LRRC1: variants seen among roughly 807,000 people sequenced by gnomAD.
LRRC1 encodes leucine rich repeat containing 1.
LRRC1 carries 28 observed loss-of-function variants against 69.9 expected under a neutral mutation model. The observed-to-expected ratio is 0.40, with a 90% CI of 0.30 to 0.55. LRRC1 has a LOEUF of 0.55. Among genes scored for constraint, LRRC1 ranks in the 20% least tolerant of loss-of-function variants. LRRC1 has a pLI of 0.47. For synonymous variants in LRRC1, 236 were observed against 240.2 expected, an observed-to-expected ratio of 0.98 and a Z score of 0.16; for missense variants, 498 against 609.0, an observed-to-expected ratio of 0.82 and a Z score of 1.92.
intron 10 of LRRC1, chr6:53,904,724 C>G (rs1768174935): frequency 4.6e-6 from 1 of 216,918 alleles, no homozygotes; most frequent in African/African-American, 2.3e-5. Flanking sequence ...GTTTGATATA[C>G]AGAGAATGGT....
intron 2 of LRRC1, among the ~76,000 whole-genome samples, chr6:53,853,937 A>G (rs754890541): frequency 6.6e-6 from 1 of 152,206 alleles, no homozygotes; most frequent in Non-Finnish European, 1.5e-5. Context: ...GTGATGGGGC[A>G]TCTAATTTTC....
chr6:53,799,342 C>T (rs1764399215), intron 1 of LRRC1, among the ~76,000 whole-genome samples: 1 of 152,198 alleles, frequency 6.6e-6, no homozygotes, highest in Admixed American at 6.5e-5. Context: ...ACATAACCTC[C>T]ATGAGTGCAG....
At chr6:53,807,662 T>G (rs1449441095) in intron 1 of LRRC1, among the ~76,000 whole-genome samples, 1 of 147,960 alleles carries the variant, frequency 6.8e-6, no homozygotes, top group African/African-American at 2.5e-5. Flanking sequence ...GAAGAATTGC[T>G]TGAACCCGGG....
chr6:53,874,310 T>A (rs1265871882), intron 2 of LRRC1, among the ~76,000 whole-genome samples: 1 of 152,114 alleles, frequency 6.6e-6, no homozygotes, highest in East Asian at 1.9e-4. Context: ...TCGTGAGTTT[T>A]AAAAATCTAT....
At chr6:53,905,537 T>G (rs542142585) in intron 10 of LRRC1, among the ~76,000 whole-genome samples, 16 of 152,142 alleles carry the variant, frequency 1.1e-4, no homozygotes, top group Non-Finnish European at 2.1e-4. Flanking sequence ...GATGATATGA[T>G]CACTGGCTGG....
intron 1 of LRRC1, among the ~76,000 whole-genome samples, chr6:53,816,927 T>C (rs1764967823): frequency 6.6e-6 from 1 of 152,252 alleles, no homozygotes. Context: ...AAATTTTAAT[T>C]AGTGGCTCAA....
Position 53,889,045 on chromosome 6 carries a change from G to C in LRRC1, c.446+6069G>C, listed in dbSNP as rs555110968. Among the ~76,000 whole-genome samples the C allele has an allele frequency of 3.9e-5, 6 of 152,200 alleles. No homozygotes were observed. The South Asian group carries it at 1.2e-3, about 32-fold the overall frequency. ...CCAACCCAATTAAAAATGGTTAAAG[G>C]ATTCGAATAGGCATTTCTTCAGAGA... is the stretch of plus-strand genomic sequence containing the variant. On this transcript the variant is annotated intron_variant, in intron 4 of 13. Transcript: ENST00000370888.
At chr6:53,797,047 CT>C (rs1162100728) in intron 1 of LRRC1, among the ~76,000 whole-genome samples, 1 of 151,728 alleles carries the variant, frequency 6.6e-6, no homozygotes, top group Non-Finnish European at 1.5e-5. Context: ...TTTTTGTTTT[CT>C]TTTGTAGAAC....
chr6:53,834,410 T>C (rs1368598842), intron 1 of LRRC1, among the ~76,000 whole-genome samples: 1 of 152,200 alleles, frequency 6.6e-6, no homozygotes, highest in Non-Finnish European at 1.5e-5. Flanking sequence ...TTAGTAGTTA[T>C]TTCTTTCCTA....
At chr6:53,917,185 C>A (rs528255665) in intron 11 of LRRC1, among the ~76,000 whole-genome samples, 1 of 152,136 alleles carries the variant, frequency 6.6e-6, no homozygotes, top group Non-Finnish European at 1.5e-5. Flanking sequence ...ATGTGTATGT[C>A]TTTTTTTCCC....
At chr6:53,869,941 C>A (rs1391800054) in intron 2 of LRRC1, among the ~76,000 whole-genome samples, 3 of 152,200 alleles carry the variant, frequency 2.0e-5, no homozygotes, top group Non-Finnish European at 4.4e-5. Flanking sequence ...TATTGCCTTT[C>A]TTGTCTAAAG....
intron 2 of LRRC1, among the ~76,000 whole-genome samples, chr6:53,861,609 G>A (rs569053402): frequency 3.3e-5 from 5 of 152,080 alleles, no homozygotes; most frequent in Admixed American, 3.3e-4. Context: ...ACCTGGATTA[G>A]GGATGTGCTT....
At chr6:53,898,565 A>G (rs372446659) in intron 7 of LRRC1, among the ~76,000 whole-genome samples, 1 of 152,372 alleles carries the variant, frequency 6.6e-6, no homozygotes, top group South Asian at 2.1e-4. Context: ...TAAAAATCTC[A>G]TTTGCTCCTA....
At position 53,795,205 on chromosome 6, in the gene LRRC1, G is replaced by T. The variant is rs1052773957; in HGVS notation, c.-52G>T. ...GGAGCCGCCGGCCAGAGCGGGCTCGGAGCCCGGGTCTCCGCCGCTCGGGAC... is the reference window on the plus strand; with the variant it reads ...GGAGCCGCCGGCCAGAGCGGGCTCGTAGCCCGGGTCTCCGCCGCTCGGGAC... On this transcript the variant is annotated 5_prime_UTR_variant, in exon 1 of 14. Coordinates refer to ENST00000370888, the MANE Select transcript of LRRC1 (RefSeq NM_018214.5). The T allele has an allele frequency of 3.9e-6, 6 of 1,521,268 alleles. No individual in the cohort carries two copies. The highest frequency in any genetic ancestry group is 2.0e-5 in the Admixed American group (1 of 50,230). 94.2% of individuals were successfully genotyped at this position (1,521,268 alleles called of 1,614,324 possible).
At chr6:53,873,872 TGTGGGTTTGTCATAA>T (rs1766980334) in intron 2 of LRRC1, among the ~76,000 whole-genome samples, 1 of 152,192 alleles carries the variant, frequency 6.6e-6, no homozygotes, top group Non-Finnish European at 1.5e-5. Context: ...TGATGTTCAT[TGTGGGTTTGTCATAA>T]GTGGCCTTTA....
intron 4 of LRRC1, among the ~76,000 whole-genome samples, chr6:53,888,780 C>A (rs10948785): frequency 0.15 from 22,926 of 152,144 alleles, 1,840 homozygotes; most frequent in South Asian, 0.17. Flanking sequence ...AGGGGTAAAT[C>A]TTTGTGACAT....
At chr6:53,898,466 G>A (rs769724765) in intron 7 of LRRC1, among the ~76,000 whole-genome samples, 7 of 152,208 alleles carry the variant, frequency 4.6e-5, no homozygotes, top group Non-Finnish European at 1.0e-4. Context: ...AGGTGTGTAT[G>A]TTCAGATGTG....
intron 4 of LRRC1, among the ~76,000 whole-genome samples, chr6:53,891,160 T>C (rs1433273740): frequency 1.3e-5 from 2 of 152,172 alleles, no homozygotes. Flanking sequence ...CTTCATGTAT[T>C]CTCTTCCTGC....
chr6:53,873,331 G>A (rs1468091843), intron 2 of LRRC1, among the ~76,000 whole-genome samples: 1 of 141,452 alleles, frequency 7.1e-6, no homozygotes, highest in Non-Finnish European at 1.5e-5. Context: ...TCACTCTGTT[G>A]CCCAGGCTAC....
Sources: gnomAD v4.1 joint callset for allele counts (sites outside exome capture counted in the v4.1 genomes callset) on GRCh38, gnomAD v4.1.1 for gene constraint, MANE v1.5 for transcripts, NCBI Gene and HGNC (gene_info 2026-07-23, HGNC 2026-07-21) for gene names.